FNBP1: variants seen among roughly 807,000 people sequenced by gnomAD.
FNBP1 encodes the protein formin-binding protein 1.
A neutral mutation model predicts 90.6 loss-of-function variants in FNBP1; 26 were observed. The observed-to-expected ratio is 0.29, with a 90% confidence interval of 0.21 to 0.40. FNBP1 has a LOEUF of 0.40. FNBP1 is among the 10% of genes least tolerant of loss of function. FNBP1 has a pLI of 1.00. For synonymous variants in FNBP1, 260 were observed against 265.2 expected, an observed-to-expected ratio of 0.98 and a Z score of 0.19; for missense variants, 635 against 768.0, an observed-to-expected ratio of 0.83 and a Z score of 2.05.
At chr9:130,015,214 T>C (rs1489940859) in intron 1 of FNBP1, among the ~76,000 whole-genome samples, 2 of 152,124 alleles carry the variant, frequency 1.3e-5, no homozygotes, top group Admixed American at 1.3e-4. Context: ...TTCTAGAAAC[T>C]GAGGGCCTAG....
At chr9:130,004,406 C>T (rs10114099) in intron 1 of FNBP1, among the ~76,000 whole-genome samples, 141,917 of 152,222 alleles carry the variant, frequency 0.93, 66,680 homozygotes, top group East Asian at 0.99. Context: ...TCCCCCTCTG[C>T]AAGCAAATCT....
intron 6 of FNBP1, among the ~76,000 whole-genome samples, chr9:129,946,642 C>T (rs189155143): frequency 2.0e-4 from 30 of 152,122 alleles, no homozygotes; most frequent in Admixed American, 5.9e-4. Context: ...GAAACTAGAC[C>T]GATAAGAAAA....
At chr9:129,901,029 T>C (rs1010063352) in intron 13 of FNBP1, among the ~76,000 whole-genome samples, 1 of 125,934 alleles carries the variant, frequency 7.9e-6, no homozygotes, top group Admixed American at 8.7e-5. Context: ...TTTTTTTTGA[T>C]AGAAATGAAA....
Position 129,890,187 on chromosome 9 carries a change from C to T in FNBP1, c.*352G>A, listed in dbSNP as rs1370025544. On this transcript the variant is annotated 3_prime_UTR_variant, in exon 17 of 17. Coordinates refer to ENST00000446176, the MANE Select transcript of FNBP1 (RefSeq NM_015033.3). The surrounding 1 kb of genome is among the most constrained non-coding windows in gnomAD (Gnocchi z 5.8). Reference sequence around the variant, plus strand: ...CTTTCACAAAAGGCACTGTGTGAAGCGCGGAAGGGCTGCCAGGACGAGCCC... The same window carrying T: ...CTTTCACAAAAGGCACTGTGTGAAGTGCGGAAGGGCTGCCAGGACGAGCCC... 9.4e-6 allele frequency: 4 copies of T among 427,396 alleles called. No individual in the cohort carries two copies. Among genetic ancestry groups the T allele is most frequent in the East Asian group, 3.8e-5 (1 of 26,030 alleles). The allele number at this position is 427,396 out of a possible 1,614,324, so 26.5% of individuals were successfully genotyped here. A position where few individuals can be genotyped will look rare whatever the true frequency, so the allele number is the denominator to read the frequency against.
At chr9:129,944,282 C>A (rs2132424088) in intron 6 of FNBP1, among the ~76,000 whole-genome samples, 1 of 152,128 alleles carries the variant, frequency 6.6e-6, no homozygotes, top group Middle Eastern at 3.4e-3. Flanking sequence ...GTAGCTCATG[C>A]CTGTAATCCC....
At chr9:129,991,986 CTT>C (rs2053240564) in intron 2 of FNBP1, among the ~76,000 whole-genome samples, 1 of 152,138 alleles carries the variant, frequency 6.6e-6, no homozygotes, top group Admixed American at 6.5e-5. Flanking sequence ...TAAGTGGAGA[CTT>C]TGAGCAAGCT....
At chr9:129,989,163 C>T (rs1256346215) in intron 2 of FNBP1, among the ~76,000 whole-genome samples, 1 of 152,226 alleles carries the variant, frequency 6.6e-6, no homozygotes, top group Non-Finnish European at 1.5e-5. Context: ...TAACCACCCC[C>T]ACTTCAATCT....
chr9:130,034,460 T>A (rs1047921637), intron 1 of FNBP1, among the ~76,000 whole-genome samples: 1 of 151,978 alleles, frequency 6.6e-6, no homozygotes, highest in Admixed American at 6.6e-5. Context: ...TCCAGCCTGG[T>A]CAACAGAGTG....
At chr9:129,991,275 A>ATTT (rs34733804) in intron 2 of FNBP1, among the ~76,000 whole-genome samples, 29 of 132,838 alleles carry the variant, frequency 2.2e-4, no homozygotes, top group Admixed American at 1.6e-3. Flanking sequence ...GGAAATGCAG[A>ATTT]TTTTTTTTTT....
chr9:129,942,878 T>TGGGGGGGGGGGG (rs2044543529), intron 6 of FNBP1, among the ~76,000 whole-genome samples: 1 of 66,136 alleles, frequency 1.5e-5, no homozygotes, highest in Non-Finnish European at 3.1e-5. Context: ...GGGGTGGGGG[T>TGGGGGGGGGGGG]GGGGTGGTCT....
At chr9:130,000,621 A>G (rs540978291) in intron 1 of FNBP1, among the ~76,000 whole-genome samples, 1 of 152,334 alleles carries the variant, frequency 6.6e-6, no homozygotes, top group South Asian at 2.1e-4. Context: ...ATCAGTACCA[A>G]TCTCATCTTT....
chr9:129,907,379 G>A (rs1038887353), intron 12 of FNBP1, among the ~76,000 whole-genome samples: 2 of 152,186 alleles, frequency 1.3e-5, no homozygotes, highest in African/African-American at 4.8e-5. Flanking sequence ...ACGGTTCCAA[G>A]CATGTTATGC....
At chr9:130,044,599 A>G (rs2060038754), upstream of FNBP1, 1 of 152,172 alleles carries the variant, frequency 6.6e-6, no homozygotes, top group African/African-American at 2.4e-5. Context: ...ATTGCCCTCC[A>G]GCTTGAGCAA....
chr9:129,959,110 C>T lies in FNBP1; in HGVS notation c.346-557G>A, dbSNP rs72757269. Among the ~76,000 whole-genome samples, 1,503 of 151,590 alleles carry T rather than the reference C, an allele frequency of 9.9e-3. 16 individuals are homozygous for T. The highest frequency in any genetic ancestry group is 0.038 in the South Asian group (181 of 4,774). On this transcript the variant is annotated intron_variant, in intron 4 of 16. Coordinates refer to ENST00000446176, the MANE Select transcript of FNBP1 (RefSeq NM_015033.3). ...GGAAAAAAAGCAGTCACAGAGTTCC[C>T]TTTACAGCTTTAGGTACAACTGTAT...
intron 1 of FNBP1, among the ~76,000 whole-genome samples, chr9:129,999,292 C>T (rs1190490640): frequency 1.3e-5 from 2 of 152,080 alleles, no homozygotes; most frequent in Non-Finnish European, 1.5e-5. Flanking sequence ...CCCCTTTGCC[C>T]TCCTAAAAAT....
intron 4 of FNBP1, 22 bp downstream of exon 4, chr9:129,978,443 A>C (rs769591695): frequency 6.2e-7 from 1 of 1,606,588 alleles, no homozygotes; most frequent in Non-Finnish European, 8.5e-7. Flanking sequence ...TTTAGGAAGA[A>C]AAAGAATAAA....
At chr9:129,961,962 C>T (rs1420654809) in intron 4 of FNBP1, among the ~76,000 whole-genome samples, 1 of 152,188 alleles carries the variant, frequency 6.6e-6, no homozygotes, top group Non-Finnish European at 1.5e-5. Flanking sequence ...CAGGTGCATT[C>T]TCCACCCTGT....
chr9:129,994,644 T>G (rs1240396453), intron 2 of FNBP1, among the ~76,000 whole-genome samples, 199 bp downstream of exon 2: 1 of 152,122 alleles, frequency 6.6e-6, no homozygotes, highest in Non-Finnish European at 1.5e-5. Context: ...AACTGGGCCT[T>G]AAAGCAGTAA....
chr9:129,905,081 G>A (rs942725979), intron 12 of FNBP1, among the ~76,000 whole-genome samples: 1 of 151,298 alleles, frequency 6.6e-6, no homozygotes, highest in South Asian at 2.1e-4. Flanking sequence ...TGTCCTTTCC[G>A]AAACCCGTCT....
Sources: allele counts gnomAD v4.1 joint callset (sites outside exome capture counted in the v4.1 genomes callset), GRCh38; gene constraint gnomAD v4.1.1; non-coding constraint Gnocchi (gnomAD v3.1); transcripts MANE v1.5; gene names NCBI Gene and HGNC (gene_info 2026-07-23, HGNC 2026-07-21).